Variants in NAALADL2 observed in about 807,000 individuals in gnomAD.
The protein encoded by NAALADL2 is N-acetylated alpha-linked acidic dipeptidase like 2.
NAALADL2 carries 76 observed loss-of-function variants against 87.2 expected under a neutral mutation model. That is an observed-to-expected ratio of 0.87 (90% CI 0.72 to 1.05). The LOEUF (loss-of-function observed/expected upper bound fraction) is 1.05, where lower values mean the gene tolerates loss of function less well. Ranked by LOEUF, NAALADL2 falls within the 50% of genes least tolerant of loss-of-function variation. NAALADL2 has a pLI of 0.00. For synonymous variants in NAALADL2, 354 were observed against 331.0 expected (o/e 1.07, Z -0.75); for missense variants, 1,089 against 945.8 (o/e 1.15, Z -1.99).
At chr3:175,667,448 T>C (rs1733351025) in intron 11 of NAALADL2, among the ~76,000 whole-genome samples, 1 of 152,144 alleles carries the variant, frequency 6.6e-6, no homozygotes, top group African/African-American at 2.4e-5. Flanking sequence ...ATTGTCTTTC[T>C]GGTTTTAAGA....
In NAALADL2 at chr3:175,335,708, G is replaced by A. The variant is rs182693108; in HGVS notation, c.1090+11383G>A. 7.9e-5 allele frequency among the ~76,000 whole-genome samples: 12 copies of A among 152,224 alleles called. No homozygotes were observed. In the East Asian group the frequency reaches 2.1e-3, roughly 27 times the overall value. ...ATTTCAGTACCATACAATTTCATTT[G>A]AGAGATGTGTCTTGTATGAAAAATT... On this transcript the variant is annotated intron_variant, in intron 5 of 13. Coordinates refer to ENST00000454872, the MANE Select transcript of NAALADL2 (RefSeq NM_207015.3).
intron 1 of NAALADL2, among the ~76,000 whole-genome samples, chr3:174,957,833 T>A (rs1414887649): frequency 1.3e-5 from 2 of 151,914 alleles, no homozygotes; most frequent in East Asian, 3.9e-4. Flanking sequence ...CTAAATTAGA[T>A]CAGAGGGGAA....
chr3:174,667,299 A>G (rs1242510492), intron 2 of NAALADL2, among the ~76,000 whole-genome samples: 1 of 152,084 alleles, frequency 6.6e-6, no homozygotes, highest in Non-Finnish European at 1.5e-5. Flanking sequence ...AAAGAAAGGG[A>G]CTTTTTATTC....
At chr3:175,378,228 C>T (rs373255638) in intron 5 of NAALADL2, among the ~76,000 whole-genome samples, 22 of 152,066 alleles carry the variant, frequency 1.4e-4, no homozygotes, top group African/African-American at 4.6e-4. Context: ...CTTACCTGTG[C>T]GCTCACTCCC....
intron 2 of NAALADL2, among the ~76,000 whole-genome samples, chr3:174,639,870 A>G (rs1314156049): frequency 6.6e-6 from 1 of 152,246 alleles, no homozygotes; most frequent in Non-Finnish European, 1.5e-5. Context: ...TTTGATACCA[A>G]CTACCACCTA....
Position 174,753,530 on chromosome 3 carries a change from C to T in NAALADL2, c.-9+15784C>T, listed in dbSNP as rs569939076. Reference sequence around the variant, plus strand: ...TTCTTTTGGTTTCTTGGGATATAGGCCAATATTGCATCTCAAGATCATACT... The same window carrying T: ...TTCTTTTGGTTTCTTGGGATATAGGTCAATATTGCATCTCAAGATCATACT... On this transcript the variant is annotated intron_variant, in intron 3 of 3. Coordinates refer to the NAALADL2 transcript ENST00000434257. Among the ~76,000 whole-genome samples, 29 of 152,208 alleles carry T rather than the reference C, an allele frequency of 1.9e-4. No individual in the cohort carries two copies. In the South Asian group the frequency reaches 4.8e-3, roughly 25 times the overall value.
intron 3 of NAALADL2, among the ~76,000 whole-genome samples, chr3:175,246,120 T>A (rs570291825): frequency 7.8e-4 from 119 of 152,184 alleles, no homozygotes; most frequent in Non-Finnish European, 1.2e-3. Flanking sequence ...AATTTTGAAA[T>A]CTTTATCAAT....
intron 13 of NAALADL2, among the ~76,000 whole-genome samples, chr3:175,763,531 CCTCT>C (rs533475987): frequency 1.8e-3 from 278 of 152,196 alleles, no homozygotes; most frequent in Middle Eastern, 6.8e-3. Flanking sequence ...TAATTATTGT[CCTCT>C]CTTTTATTTA....
chr3:175,569,255 A>G (rs988534072), intron 9 of NAALADL2, among the ~76,000 whole-genome samples: 2 of 152,202 alleles, frequency 1.3e-5, no homozygotes, highest in African/African-American at 4.8e-5. Flanking sequence ...TAAAAATGTT[A>G]TAACAAAATT....
rs537135550 is a variant in NAALADL2 at position 174,524,522 on chromosome 3, C to T, written c.-183-26047C>T. 1.2e-4 allele frequency among the ~76,000 whole-genome samples: 18 copies of T among 152,142 alleles called. No homozygotes were observed. The South Asian group carries it at 3.1e-3, about 26-fold the overall frequency. On this transcript the variant is annotated intron_variant, in intron 1 of 3. Transcript: ENST00000434257. ...AACAATGTTTCATTCAGCAAGGGAC[C>T]ACATATATTTAGGTGGTCCCATAAA... is the stretch of plus-strand genomic sequence containing the variant.
chr3:175,510,998 A>T (rs978382952), intron 9 of NAALADL2, among the ~76,000 whole-genome samples: 9 of 152,224 alleles, frequency 5.9e-5, no homozygotes, highest in Non-Finnish European at 1.3e-4. Context: ...TAAAAGAGGT[A>T]CTGGACTGGT....
At chr3:175,667,254 AAAGAAAGAAAGGAAGG>A (rs1560943862) in intron 11 of NAALADL2, among the ~76,000 whole-genome samples, 54 of 140,568 alleles carry the variant, frequency 3.8e-4, no homozygotes, top group African/African-American at 1.5e-3. Flanking sequence ...AGAAAGAAAG[AAAGAAAGAAAGGAAGG>A]AAGGGATGGG....
chr3:174,896,657 A>T (rs943306567), intron 1 of NAALADL2, among the ~76,000 whole-genome samples: 1 of 152,212 alleles, frequency 6.6e-6, no homozygotes, highest in Non-Finnish European at 1.5e-5. Context: ...ACAGAAATAG[A>T]CAAAACAATC....
At chr3:175,045,702 C>A in intron 1 of NAALADL2, among the ~76,000 whole-genome samples, 1 of 151,970 alleles carries the variant, frequency 6.6e-6, no homozygotes, top group East Asian at 1.9e-4. Flanking sequence ...AAGGATGAGC[C>A]CAGATACTTG....
At chr3:174,543,517 T>C (rs1722442893) in intron 1 of NAALADL2, among the ~76,000 whole-genome samples, 2 of 152,194 alleles carry the variant, frequency 1.3e-5, no homozygotes, top group South Asian at 2.1e-4. Context: ...TAAGATGTTT[T>C]ATAGTCTATG....
intron 13 of NAALADL2, among the ~76,000 whole-genome samples, chr3:175,762,984 T>G (rs1467421597): frequency 6.6e-6 from 1 of 151,902 alleles, no homozygotes; most frequent in East Asian, 1.9e-4. Flanking sequence ...CTCGGGAAGC[T>G]GAGACAGGAG....
chr3:175,701,248 T>C (rs1275128006), intron 11 of NAALADL2, among the ~76,000 whole-genome samples: 2 of 152,136 alleles, frequency 1.3e-5, no homozygotes, highest in African/African-American at 2.4e-5. Context: ...GGGAGCATAT[T>C]TGGCTTTTCC....
chr3:175,387,875 A>G (rs770249056), intron 5 of NAALADL2, among the ~76,000 whole-genome samples: 1 of 152,208 alleles, frequency 6.6e-6, no homozygotes, highest in Non-Finnish European at 1.5e-5. Context: ...TCTCAACTCT[A>G]TGAAGAAAGT....
intron 3 of NAALADL2, among the ~76,000 whole-genome samples, chr3:175,252,665 G>A (rs1279462524): frequency 7.2e-5 from 11 of 152,146 alleles, no homozygotes; most frequent in Admixed American, 7.2e-4. Context: ...AGCCAAGATA[G>A]GTCACAAGCT....
Sources: allele counts gnomAD v4.1 joint callset (sites outside exome capture counted in the v4.1 genomes callset), GRCh38; gene constraint gnomAD v4.1.1; transcripts MANE v1.5; gene names NCBI Gene and HGNC (gene_info 2026-07-23, HGNC 2026-07-21).